Variants in PTPRG observed in about 807,000 individuals in gnomAD.
PTPRG encodes the protein receptor-type tyrosine-protein phosphatase gamma.
In PTPRG, 102 loss-of-function variants were observed where a neutral mutation model predicts 165.3. The ratio of observed to expected loss-of-function variants is 0.62; its 90% CI spans 0.53 to 0.73. The LOEUF (loss-of-function observed/expected upper bound fraction) is 0.73. PTPRG is among the 30% of genes least tolerant of loss of function. The probability of loss-of-function intolerance (pLI) is 0.00; values close to 1 mark genes in which losing one functional copy is unlikely to be tolerated. For missense variants in PTPRG, 1,866 were observed against 1,861.4 expected (o/e 1.00, Z -0.05); for synonymous variants, 675 against 669.5 (o/e 1.01, Z -0.13).
intron 6 of PTPRG, among the ~76,000 whole-genome samples, chr3:62,151,829 G>A (rs901016694): frequency 2.6e-5 from 4 of 152,028 alleles, no homozygotes; most frequent in African/African-American, 9.7e-5. Flanking sequence ...TATTTAACAA[G>A]CACTATGCAT....
intron 1 of PTPRG, among the ~76,000 whole-genome samples, chr3:61,678,678 A>G (rs1163515891): frequency 1.3e-5 from 2 of 152,012 alleles, no homozygotes; most frequent in Non-Finnish European, 2.9e-5. Flanking sequence ...GGCATCTCAC[A>G]TTTCTAGAAA....
chr3:61,968,178 A>C (rs1433264266), intron 2 of PTPRG, among the ~76,000 whole-genome samples: 1 of 152,196 alleles, frequency 6.6e-6, no homozygotes, highest in African/African-American at 2.4e-5. Context: ...AATGGTCTGA[A>C]CCATTAAATG....
intron 2 of PTPRG, among the ~76,000 whole-genome samples, chr3:61,751,407 C>G (rs556637569): frequency 1.9e-4 from 29 of 152,212 alleles, no homozygotes; most frequent in South Asian, 1.7e-3. Context: ...CTAAATTTAG[C>G]AAAATGAAGC....
rs1702994816 is a variant in PTPRG at position 62,294,310 on chromosome 3, T to C, written c.*1003T>C. On this transcript the variant is annotated 3_prime_UTR_variant, in exon 30 of 30. Transcript: ENST00000474889. ...CTACCTACATAGTTACTGTTTTCTTTCCTTCTTTGCCAAATGTTTTATAAT... is the reference window on the plus strand; with the variant it reads ...CTACCTACATAGTTACTGTTTTCTTCCCTTCTTTGCCAAATGTTTTATAAT... 1 of 152,140 alleles carries C rather than the reference T, an allele frequency of 6.6e-6. No homozygotes were observed. Among genetic ancestry groups the C allele is most frequent in the South Asian group, 2.1e-4 (1 of 4,832 alleles). 9.4% of individuals were successfully genotyped at this position (152,140 alleles called of 1,614,324 possible). A position where few individuals can be genotyped will look rare whatever the true frequency, so the allele number is the denominator to read the frequency against.
intron 1 of PTPRG, among the ~76,000 whole-genome samples, chr3:61,726,942 G>T (rs369462762): frequency 2.0e-5 from 3 of 152,022 alleles, no homozygotes; most frequent in African/African-American, 7.2e-5. Flanking sequence ...AGCTACTCGG[G>T]AGACTGAGAC....
chr3:61,814,628 A>T (rs1032382412), intron 2 of PTPRG, among the ~76,000 whole-genome samples: 4 of 151,980 alleles, frequency 2.6e-5, no homozygotes, highest in African/African-American at 9.7e-5. Flanking sequence ...CTTAAATGTC[A>T]GTAGTAGCTA....
chr3:61,576,757 C>G (rs1009079289), intron 1 of PTPRG, among the ~76,000 whole-genome samples: 1 of 152,022 alleles, frequency 6.6e-6, no homozygotes, highest in African/African-American at 2.4e-5. Context: ...GTTTGCTTGT[C>G]CATAAAATTG....
chr3:61,838,273 G>C (rs925503508), intron 2 of PTPRG, among the ~76,000 whole-genome samples: 1 of 152,218 alleles, frequency 6.6e-6, no homozygotes, highest in Non-Finnish European at 1.5e-5. Flanking sequence ...CCTGAAATCA[G>C]TTGAAGAATC....
At chr3:62,138,766 C>T (rs1334137558) in intron 6 of PTPRG, among the ~76,000 whole-genome samples, 2 of 149,938 alleles carry the variant, frequency 1.3e-5, no homozygotes, top group Non-Finnish European at 3.0e-5. Context: ...CATTATACGT[C>T]GCTTCTCGTC....
At chr3:62,253,013 C>G (rs1178626024) in intron 15 of PTPRG, among the ~76,000 whole-genome samples, 1 of 152,150 alleles carries the variant, frequency 6.6e-6, no homozygotes, top group Admixed American at 6.5e-5. Flanking sequence ...TTTGCTGCTT[C>G]TAGCCATAGT....
chr3:61,872,558 A>G lies in PTPRG; in HGVS notation c.191-117067A>G, dbSNP rs1177838076. The stretch of plus-strand genomic sequence containing the variant: ...GCCGATGCAATAAGATGAGATAGGT[A>G]GTGCTTGTGTTGCCTGACCCTGAGT... On this transcript the variant is annotated intron_variant, in intron 2 of 29. Coordinates refer to ENST00000474889, the MANE Select transcript of PTPRG (RefSeq NM_002841.4). 2.6e-5 allele frequency among the ~76,000 whole-genome samples: 4 copies of G among 152,170 alleles called. No homozygotes were observed. In the East Asian group the frequency reaches 7.7e-4, roughly 29 times the overall value.
chr3:61,673,511 T>A (rs1021411540), intron 1 of PTPRG, among the ~76,000 whole-genome samples: 1 of 151,900 alleles, frequency 6.6e-6, no homozygotes, highest in Non-Finnish European at 1.5e-5. Flanking sequence ...AGTTTGGCAT[T>A]AGGCATCACA....
chr3:61,828,097 C>T (rs950948009), intron 2 of PTPRG, among the ~76,000 whole-genome samples: 4 of 152,074 alleles, frequency 2.6e-5, no homozygotes, highest in African/African-American at 9.7e-5. Flanking sequence ...TGAGTCATTG[C>T]GATATTTCTC....
In PTPRG at chr3:62,071,053, G is replaced by A. The variant is rs897575067; in HGVS notation, c.520-7110G>A. 4.6e-5 allele frequency among the ~76,000 whole-genome samples: 7 copies of A among 151,492 alleles called. 1 individual carries two copies. The highest frequency in any genetic ancestry group is 4.2e-4 in the South Asian group (2 of 4,806). ...CCTTTTTGGTTACCCTCTTTATCTC[G>A]TCCTGTTTACGTCTCATCTCCATCT... On this transcript the variant is annotated intron_variant, in intron 4 of 29. Transcript: ENST00000474889.
chr3:62,159,519 T>C (rs978470091), intron 7 of PTPRG, among the ~76,000 whole-genome samples: 1 of 152,150 alleles, frequency 6.6e-6, no homozygotes, highest in African/African-American at 2.4e-5. Context: ...GCTTGGATGT[T>C]TTGCCAAGTG....
intron 5 of PTPRG, among the ~76,000 whole-genome samples, chr3:62,104,746 A>G (rs1380430805): frequency 6.6e-6 from 1 of 152,212 alleles, no homozygotes; most frequent in Non-Finnish European, 1.5e-5. Flanking sequence ...AGACCTTCCC[A>G]TGTGCATTAC....
intron 1 of PTPRG, among the ~76,000 whole-genome samples, chr3:61,585,911 T>TG (rs1700423691): frequency 6.6e-6 from 1 of 152,192 alleles, no homozygotes; most frequent in Non-Finnish European, 1.5e-5. Flanking sequence ...TTTCATTTGT[T>TG]GGGGACCTAC....
intron 6 of PTPRG, among the ~76,000 whole-genome samples, chr3:62,139,953 T>C (rs1345391999): frequency 6.6e-6 from 1 of 152,252 alleles, no homozygotes; most frequent in Non-Finnish European, 1.5e-5. Context: ...GAAAGCTATC[T>C]GAGAAACTCC....
intron 1 of PTPRG, among the ~76,000 whole-genome samples, chr3:61,618,006 T>C (rs1701344610): frequency 6.6e-6 from 1 of 152,242 alleles, no homozygotes; most frequent in Non-Finnish European, 1.5e-5. Flanking sequence ...AGGTACACTA[T>C]ATAACTAATT....
Sources: allele counts gnomAD v4.1 joint callset (sites outside exome capture counted in the v4.1 genomes callset), GRCh38; gene constraint gnomAD v4.1.1; transcripts MANE v1.5; gene names NCBI Gene and HGNC (gene_info 2026-07-23, HGNC 2026-07-21).